The following NEO1 variants were observed in gnomAD, a reference collection of about 807,000 sequenced individuals.
NEO1 encodes neogenin.
In NEO1, 63 loss-of-function variants were observed where a neutral mutation model predicts 159.7. The observed-to-expected ratio is 0.39, with a 90% CI of 0.32 to 0.49. The LOEUF is 0.49. Ranked by LOEUF, NEO1 falls within the 20% of genes least tolerant of loss-of-function variation. The pLI is 0.85. For missense variants in NEO1, 1,615 were observed against 1,831.0 expected (o/e 0.88, Z 2.15); for synonymous variants, 633 against 662.0 (o/e 0.96, Z 0.67).
chr15:73,136,875 A>G (rs1460937298), intron 5 of NEO1, among the ~76,000 whole-genome samples: 1 of 152,078 alleles, frequency 6.6e-6, no homozygotes, highest in Non-Finnish European at 1.5e-5. Context: ...CCAGATTGGT[A>G]GCTTTCAACC....
At chr15:73,198,305 A>C (rs1167214829) in intron 7 of NEO1, among the ~76,000 whole-genome samples, 1 of 152,062 alleles carries the variant, frequency 6.6e-6, no homozygotes, top group Non-Finnish European at 1.5e-5. Flanking sequence ...CTGGGCTATA[A>C]TTTCTACTTT....
chr15:73,171,612 CTAT>C (rs10549726), intron 5 of NEO1, among the ~76,000 whole-genome samples: 62,680 of 138,674 alleles, frequency 0.45, 14,942 homozygotes, highest in Non-Finnish European at 0.54. Context: ...TATTAAGAAA[CTAT>C]TATTATTATT....
intron 5 of NEO1, among the ~76,000 whole-genome samples, chr15:73,174,057 G>A (rs981775412): frequency 6.7e-6 from 1 of 149,436 alleles, no homozygotes; most frequent in Non-Finnish European, 1.5e-5. Context: ...CCGAGATCAC[G>A]CCATTGCACT....
chr15:73,108,161 G>A (rs904682664), intron 1 of NEO1, among the ~76,000 whole-genome samples: 1 of 152,154 alleles, frequency 6.6e-6, no homozygotes, highest in East Asian at 1.9e-4. Context: ...CTAAAGTATA[G>A]CTAAATATGA....
chr15:73,220,499 C>G (rs1019696794), intron 7 of NEO1, among the ~76,000 whole-genome samples: 4 of 152,134 alleles, frequency 2.6e-5, no homozygotes, highest in Non-Finnish European at 5.9e-5. Flanking sequence ...GGGAAGTTCT[C>G]CTGGATAATA....
rs35895070 is a variant in NEO1, at chr15:73,071,937, T to TTTTGTTTG, written c.130+19152_130+19159dup. ...CTATATCTGATGGCTTTTAATTTAA[T>TTTTGTTTG]TTTGTTTGTTTGTTTGTTTGTTTGT... is the stretch of plus-strand genomic sequence containing the variant. On this transcript the variant is annotated intron_variant, in intron 1 of 28. Coordinates refer to ENST00000261908, the MANE Select transcript of NEO1 (RefSeq NM_002499.4). 8.0e-3 allele frequency among the ~76,000 whole-genome samples: 1,208 copies of TTTTGTTTG among 150,728 alleles called. 13 individuals are homozygous for TTTTGTTTG. The highest frequency in any genetic ancestry group is 0.012 in the Non-Finnish European group (791 of 67,654).
At chr15:73,243,928 T>A (rs2039615870) in intron 8 of NEO1, among the ~76,000 whole-genome samples, 1 of 152,192 alleles carries the variant, frequency 6.6e-6, no homozygotes, top group South Asian at 2.1e-4. Flanking sequence ...TTAGCCAAAA[T>A]ATACACAGCA....
At chr15:73,068,956 CTT>C (rs35031912) in intron 1 of NEO1, among the ~76,000 whole-genome samples, 41,050 of 135,768 alleles carry the variant, frequency 0.3, 6,613 homozygotes, top group Middle Eastern at 0.43. Flanking sequence ...TAGAGTGGGG[CTT>C]TTTTTTTTTT....
chr15:73,300,782 T>TAC (rs1473207511), intron 27 of NEO1, among the ~76,000 whole-genome samples: 1 of 152,248 alleles, frequency 6.6e-6, no homozygotes. Flanking sequence ...ACTTTATGCA[T>TAC]ACTTTCCATT....
chr15:73,302,482 C>G (rs1567742007), intron 28 of NEO1, 131 bp from the exon 29 acceptor site: 4 of 727,616 alleles, frequency 5.5e-6, no homozygotes, highest in South Asian at 1.7e-5. Context: ...TCTGAGCCAC[C>G]CTGCGTGTTA....
chr15:73,275,670 AAATAAT>A (rs749569905), intron 21 of NEO1, among the ~76,000 whole-genome samples: 1 of 151,986 alleles, frequency 6.6e-6, no homozygotes, highest in Non-Finnish European at 1.5e-5. Context: ...AAAAGTAAAT[AAATAAT>A]AATAATAGTG....
chr15:73,100,168 G>A (rs985764213), intron 1 of NEO1, among the ~76,000 whole-genome samples: 3 of 151,898 alleles, frequency 2.0e-5, no homozygotes, highest in South Asian at 2.1e-4. Context: ...GTGCCCTATC[G>A]CTTTGTCATC....
chr15:73,088,250 T>C (rs1171801497), intron 1 of NEO1, among the ~76,000 whole-genome samples: 1 of 151,862 alleles, frequency 6.6e-6, no homozygotes, highest in Non-Finnish European at 1.5e-5. Flanking sequence ...ACTAAAGAAA[T>C]TTTTCTATGA....
intron 22 of NEO1, 149 bp from the exon 23 acceptor site, chr15:73,282,815 A>G: frequency 4.5e-6 from 4 of 881,010 alleles, no homozygotes; most frequent in Non-Finnish European, 5.3e-6. Context: ...TCTAGAGAAG[A>G]GAGCCATGTT....
At chr15:73,210,057 GC>G (rs1262397039) in intron 7 of NEO1, among the ~76,000 whole-genome samples, 6 of 152,276 alleles carry the variant, frequency 3.9e-5, no homozygotes, top group African/African-American at 1.4e-4. Context: ...TGATGACATT[GC>G]CATATAGATC....
chr15:73,121,034 G>C (rs55836604), intron 2 of NEO1, among the ~76,000 whole-genome samples: 1 of 151,830 alleles, frequency 6.6e-6, no homozygotes, highest in African/African-American at 2.4e-5. Context: ...AGGTTTTCCT[G>C]TAACTGCCAC....
intron 1 of NEO1, among the ~76,000 whole-genome samples, chr15:73,068,413 T>C (rs1286121666): frequency 6.6e-6 from 1 of 152,144 alleles, no homozygotes; most frequent in Non-Finnish European, 1.5e-5. Context: ...GGTTTTGCCA[T>C]GTTGGCCAGG....
At chr15:73,133,026 C>T (rs991200819) in intron 4 of NEO1, among the ~76,000 whole-genome samples, 3 of 152,098 alleles carry the variant, frequency 2.0e-5, no homozygotes, top group African/African-American at 7.2e-5. Flanking sequence ...CAATCCCGTT[C>T]CTGTATCTAT....
intron 18 of NEO1, among the ~76,000 whole-genome samples, chr15:73,271,362 G>T (rs530249851): frequency 6.6e-6 from 1 of 152,302 alleles, no homozygotes; most frequent in Admixed American, 6.5e-5. Context: ...TATACTAAGA[G>T]AATTCTAGTA....
Sources: allele counts gnomAD v4.1 joint callset (sites outside exome capture counted in the v4.1 genomes callset), GRCh38; gene constraint gnomAD v4.1.1; transcripts MANE v1.5; gene names NCBI Gene and HGNC (gene_info 2026-07-23, HGNC 2026-07-21).